Variants in WNK1 observed in about 807,000 individuals in gnomAD.
The protein encoded by WNK1 is serine/threonine-protein kinase WNK1.
Under a neutral mutation model 222.8 loss-of-function variants are expected in WNK1, and 38 were observed. That is an observed-to-expected ratio of 0.17 (90% CI 0.13 to 0.22). The LOEUF (loss-of-function observed/expected upper bound fraction) is 0.22. Ranked by LOEUF, WNK1 falls within the 10% of genes least tolerant of loss-of-function variation. WNK1 has a pLI of 1.00. For missense variants in WNK1, 2,348 were observed against 2,918.4 expected, an observed-to-expected ratio of 0.80 and a Z score of 4.50; for synonymous variants, 1,090 against 1,092.9, an observed-to-expected ratio of 1.00 and a Z score of 0.05.
chr12:854,657 T>C (rs537543896), intron 4 of WNK1, among the ~76,000 whole-genome samples: 219 of 152,258 alleles, frequency 1.4e-3, no homozygotes, highest in Middle Eastern at 3.4e-3. Context: ...CAAGAACTTA[T>C]CTTTACAAAA....
At position 909,069 on chromosome 12, in the gene WNK1, A is replaced by T. The variant is rs80258895; in HGVS notation, c.*277A>T. ...TGTTTATCTATACTCAGTAATGAGG[A>T]TGAGGGCTAGGAAAGTCTTGTTCAT... On this transcript the variant is annotated 3_prime_UTR_variant, in exon 28 of 28. Transcript: ENST00000315939. The T allele has an allele frequency of 8.8e-3, 4,016 of 454,088 alleles. 35 individuals carry two copies. The highest frequency in any genetic ancestry group is 0.013 in the Middle Eastern group (20 of 1,554). The allele number at this position is 454,088 out of a possible 1,614,324, so 28.1% of individuals were successfully genotyped here. A position where few individuals can be genotyped will look rare whatever the true frequency, so the allele number is the denominator to read the frequency against.
chr12:831,522 A>G (rs1948790851), intron 4 of WNK1, among the ~76,000 whole-genome samples: 1 of 151,878 alleles, frequency 6.6e-6, no homozygotes, highest in South Asian at 2.1e-4. Flanking sequence ...TGGGTGACAG[A>G]GTAAGACTCT....
Position 900,459 on chromosome 12 carries a change from A to C in WNK1, c.6449-17A>C. ...AGAGCTGGACATGTTTCCTCATGCC[A>C]CTTTATCTTTTGGCAGGTAACCTGT... is the stretch of plus-strand genomic sequence containing the variant. On this transcript the variant is annotated splice_polypyrimidine_tract_variant and intron_variant, in intron 25 of 27. Transcript: ENST00000315939. The C allele has an allele frequency of 6.2e-7, 1 of 1,614,064 alleles. No homozygotes were observed. Among genetic ancestry groups the C allele is most frequent in the Non-Finnish European group, 8.5e-7 (1 of 1,179,968 alleles).
At position 879,847 on chromosome 12, in the gene WNK1, C is replaced by A. The variant is rs899384881; in HGVS notation, c.2648C>A (p.Ala883Asp). 9 of 1,614,062 alleles carry A rather than the reference C, an allele frequency of 5.6e-6. No individual in the cohort carries two copies. In the African/African-American group the frequency reaches 8.0e-5, roughly 14 times the overall value. Residue 883 changes from alanine to aspartate, a missense_variant, in exon 11 of 28, where the codon GCT (alanine) becomes GAT (aspartate). This residue lies in a region of WNK1 where 547 missense variants were observed against 558.3 expected (regional missense o/e 0.98). Transcript: ENST00000315939. ...LLTLASSATT[A>D]AIPGVSTVVP... ...ACGTTGGCTTCATCTGCTACAACAG[C>A]TGCGATCCCGGGGGTATCAACTGTG...
At chr12:887,156 C>G in intron 19 of WNK1, 65 bp from the exon 20 acceptor site, 2 of 1,389,452 alleles carry the variant, frequency 1.4e-6, no homozygotes, top group East Asian at 4.6e-5. Flanking sequence ...AGTTGATTTG[C>G]TCTTCAGTAC....
At chr12:790,964 T>C (rs1486209432) in intron 1 of WNK1, among the ~76,000 whole-genome samples, 1 of 152,118 alleles carries the variant, frequency 6.6e-6, no homozygotes, top group Non-Finnish European at 1.5e-5. Flanking sequence ...AGGTCTTCTA[T>C]GGAAATGAAT....
intron 25 of WNK1, among the ~76,000 whole-genome samples, chr12:900,016 C>CTTTTCT: frequency 8.4e-6 from 1 of 119,648 alleles, no homozygotes; most frequent in East Asian, 2.4e-4. Context: ...GGATTCTTTT[C>CTTTTCT]TTTTTTTTTT....
chr12:890,405 G>T, intron 21 of WNK1, 48 bp from the exon 22 acceptor site: 2 of 1,612,510 alleles, frequency 1.2e-6, no homozygotes, highest in Non-Finnish European at 1.7e-6. Context: ...AAAAGTTTGA[G>T]TGACTGAAGC....
chr12:802,785 C>T (rs1052169458), intron 1 of WNK1, among the ~76,000 whole-genome samples: 1 of 152,122 alleles, frequency 6.6e-6, no homozygotes, highest in African/African-American at 2.4e-5. Context: ...AATGAAACTA[C>T]AGTGTGAAGA....
At chr12:889,986 G>T (rs191973445) in intron 21 of WNK1, among the ~76,000 whole-genome samples, 2 of 135,928 alleles carry the variant, frequency 1.5e-5, no homozygotes, top group African/African-American at 5.6e-5. Flanking sequence ...GGAGTCTTGC[G>T]CTGTTACCCA....
chr12:794,652 C>A (rs1176036425), intron 1 of WNK1, among the ~76,000 whole-genome samples: 1 of 151,958 alleles, frequency 6.6e-6, no homozygotes, highest in Non-Finnish European at 1.5e-5. Context: ...TCCCATGTGG[C>A]CATGGGAAAT....
intron 9 of WNK1, among the ~76,000 whole-genome samples, chr12:877,052 A>ATTTT: frequency 1.3e-5 from 1 of 77,104 alleles, no homozygotes; most frequent in Non-Finnish European, 2.4e-5. Context: ...CCTAAACTTC[A>ATTTT]TTTTTTTTTT....
intron 2 of WNK1, among the ~76,000 whole-genome samples, chr12:818,533 GT>G (rs1308528308): frequency 1.3e-5 from 2 of 152,186 alleles, no homozygotes; most frequent in Non-Finnish European, 2.9e-5. Context: ...CCATTTTTAA[GT>G]GTATAGTTCA....
At chr12:830,521 G>A (rs934289583) in intron 4 of WNK1, among the ~76,000 whole-genome samples, 1 of 152,132 alleles carries the variant, frequency 6.6e-6, no homozygotes, top group Non-Finnish European at 1.5e-5. Flanking sequence ...AAGATGCTTT[G>A]TCAAATTAAT....
At chr12:771,691 T>G (rs1942526225) in intron 1 of WNK1, among the ~76,000 whole-genome samples, 1 of 152,216 alleles carries the variant, frequency 6.6e-6, no homozygotes, top group Admixed American at 6.5e-5. Context: ...CGCCTCGGCC[T>G]CCCAAAGTGT....
rs1190327385 is a variant in WNK1 at position 805,340 on chromosome 12, T to C, written c.760-8302T>C. On this transcript the variant is annotated intron_variant, in intron 1 of 27. Coordinates refer to ENST00000315939, the MANE Select transcript of WNK1 (RefSeq NM_018979.4). ...GAGGGGCGGGTAATAGCCATCCTGA[T>C]TGGTGTGAAGTGGTATCTTACTGCT... 2.6e-5 allele frequency among the ~76,000 whole-genome samples: 4 copies of C among 152,132 alleles called. No individual in the cohort carries two copies. The South Asian group carries it at 8.3e-4, about 32-fold the overall frequency.
At chr12:900,143 G>A (rs1009120392) in intron 25 of WNK1, among the ~76,000 whole-genome samples, 9 of 148,270 alleles carry the variant, frequency 6.1e-5, no homozygotes, top group African/African-American at 2.0e-4. Flanking sequence ...CCTCCACCAC[G>A]CCTGGCTAAT....
chr12:778,174 CAGA>C (rs1226480819), intron 1 of WNK1, among the ~76,000 whole-genome samples: 2 of 152,052 alleles, frequency 1.3e-5, no homozygotes, highest in African/African-American at 2.4e-5. Flanking sequence ...TGTGGGAAAC[CAGA>C]AGAAGGCTAC....
At chr12:881,541 C>T in intron 12 of WNK1, 151 bp from the exon 13 acceptor site, 1 of 709,134 alleles carries the variant, frequency 1.4e-6, no homozygotes, top group Non-Finnish European at 2.5e-6. Flanking sequence ...AGACCATTAT[C>T]TCTAGATGCT....
Sources: gnomAD v4.1 joint callset for allele counts (sites outside exome capture counted in the v4.1 genomes callset) on GRCh38, gnomAD v4.1.1 for gene constraint, gnomAD v4.1.1 regional missense constraint, MANE v1.5 for transcripts, NCBI Gene and HGNC (gene_info 2026-07-23, HGNC 2026-07-21) for gene names.